Variants in NDUFA10 observed in about 807,000 individuals in gnomAD.
NDUFA10 encodes the protein NADH:ubiquinone oxidoreductase subunit A10.
In NDUFA10, 40 loss-of-function variants were observed where a neutral mutation model predicts 47.8. The observed-to-expected ratio is 0.84, with a 90% CI of 0.65 to 1.09. The LOEUF (loss-of-function observed/expected upper bound fraction) is 1.09. Ranked by LOEUF, NDUFA10 falls within the 50% of genes least tolerant of loss-of-function variation. The pLI is 0.00. For synonymous variants in NDUFA10, 183 were observed against 172.2 expected, an observed-to-expected ratio of 1.06 and a Z score of -0.49; for missense variants, 413 against 451.1, an observed-to-expected ratio of 0.92 and a Z score of 0.76.
At chr2:239,913,384 C>T (rs573408514) in intron 4 of NDUFA10, among the ~76,000 whole-genome samples, 2 of 152,238 alleles carry the variant, frequency 1.3e-5, no homozygotes, top group Non-Finnish European at 2.9e-5. Flanking sequence ...GAGGACATGA[C>T]GGGTCCTACA....
At chr2:239,950,667 C>A (rs987146112) in intron 4 of NDUFA10, among the ~76,000 whole-genome samples, 1 of 152,180 alleles carries the variant, frequency 6.6e-6, no homozygotes, top group South Asian at 2.1e-4. Context: ...AACACTGGTA[C>A]GGATAGGAGC....
At chr2:239,942,704 G>A (rs1291693626) in intron 4 of NDUFA10, among the ~76,000 whole-genome samples, 2 of 151,958 alleles carry the variant, frequency 1.3e-5, no homozygotes, top group Non-Finnish European at 2.9e-5. Context: ...CTCCAGCACT[G>A]AGTCACGGGT....
intron 8 of NDUFA10, among the ~76,000 whole-genome samples, chr2:239,997,923 T>C (rs1696546751): frequency 6.6e-6 from 1 of 152,164 alleles, no homozygotes; most frequent in African/African-American, 2.4e-5. Flanking sequence ...TGCATCTCAA[T>C]CAATGGTAAG....
intron 4 of NDUFA10, among the ~76,000 whole-genome samples, chr2:239,903,839 G>T (rs1451397471): frequency 6.6e-6 from 1 of 152,192 alleles, no homozygotes; most frequent in Non-Finnish European, 1.5e-5. Flanking sequence ...GAATCACTTT[G>T]GGCTGAGAGT....
chr2:239,910,168 A>C (rs1472258412), intron 4 of NDUFA10, among the ~76,000 whole-genome samples: 1 of 152,198 alleles, frequency 6.6e-6, no homozygotes, highest in East Asian at 1.9e-4. Context: ...GATTCCTCAA[A>C]GATCCAGAAG....
intron 9 of NDUFA10, among the ~76,000 whole-genome samples, chr2:239,964,041 G>A (rs760855676): frequency 1.3e-5 from 2 of 152,202 alleles, no homozygotes; most frequent in Non-Finnish European, 2.9e-5. Flanking sequence ...CCTTTCACAC[G>A]CCAGGTAATG....
intron 9 of NDUFA10, among the ~76,000 whole-genome samples, chr2:239,977,017 C>T (rs1236753697): frequency 6.6e-6 from 1 of 152,118 alleles, no homozygotes; most frequent in Non-Finnish European, 1.5e-5. Flanking sequence ...CTGGACCCCT[C>T]CCAGACTCAG....
intron 4 of NDUFA10, among the ~76,000 whole-genome samples, chr2:239,921,022 C>A (rs992562985): frequency 1.3e-4 from 20 of 152,296 alleles, no homozygotes; most frequent in African/African-American, 4.8e-4. Flanking sequence ...CCACAGGGTT[C>A]TGTGGACAGA....
At chr2:239,901,093 G>C (rs1309494955) in intron 4 of NDUFA10, among the ~76,000 whole-genome samples, 1 of 152,238 alleles carries the variant, frequency 6.6e-6, no homozygotes, top group Non-Finnish European at 1.5e-5. Context: ...AGGACAAGCT[G>C]ACTCTCTGGT....
intron 5 of NDUFA10, chr2:240,014,192 A>G (rs1433695525): frequency 6.0e-6 from 1 of 168,032 alleles, no homozygotes; most frequent in Non-Finnish European, 1.3e-5. Context: ...GGGTCACTTC[A>G]AAAGGCGTTG....
intron 5 of NDUFA10, among the ~76,000 whole-genome samples, chr2:239,893,822 G>A (rs933174632): frequency 1.3e-5 from 2 of 152,192 alleles, no homozygotes; most frequent in African/African-American, 4.8e-5. Context: ...AGGTGGTCCT[G>A]AGCTCCACCA....
At chr2:239,907,791 T>A (rs1192400114) in intron 4 of NDUFA10, among the ~76,000 whole-genome samples, 2 of 152,200 alleles carry the variant, frequency 1.3e-5, no homozygotes, top group East Asian at 3.9e-4. Flanking sequence ...ACTTTTACAC[T>A]GTTGGTGGGA....
chr2:240,014,559 C>T (rs1697258551), intron 5 of NDUFA10, 180 bp downstream of exon 5: 5 of 975,636 alleles, frequency 5.1e-6, no homozygotes, highest in South Asian at 1.4e-5. Flanking sequence ...GGCACCAGGC[C>T]GAGCCATGGG....
chr2:239,946,542 C>T (rs1443071128), intron 4 of NDUFA10, among the ~76,000 whole-genome samples: 1 of 152,254 alleles, frequency 6.6e-6, no homozygotes, highest in Non-Finnish European at 1.5e-5. Context: ...AACACCCCCA[C>T]ACCGTTCAGG....
intron 9 of NDUFA10, among the ~76,000 whole-genome samples, chr2:239,966,848 CT>C (rs71045922): frequency 0.024 from 2,740 of 113,824 alleles, 42 homozygotes; most frequent in South Asian, 0.048. Flanking sequence ...GCAAGGATTT[CT>C]TTTTTTTTTT....
At chr2:239,916,891 G>A (rs550568149) in intron 4 of NDUFA10, among the ~76,000 whole-genome samples, 1 of 152,384 alleles carries the variant, frequency 6.6e-6, no homozygotes. Flanking sequence ...AACCCCTGGG[G>A]TCAGACTCAG....
chr2:239,971,646 G>A (rs941421496), intron 9 of NDUFA10, among the ~76,000 whole-genome samples: 16 of 152,214 alleles, frequency 1.1e-4, no homozygotes, highest in African/African-American at 3.9e-4. Flanking sequence ...GAGACAGGGT[G>A]TTCAGAGACT....
In NDUFA10 at chr2:239,971,661, T is replaced by C. The variant is rs574325811; in HGVS notation, c.1000-10475A>G. Among the ~76,000 whole-genome samples, 10 of 152,334 alleles carry C rather than the reference T, an allele frequency of 6.6e-5. No homozygotes were observed. The East Asian group carries it at 1.9e-3, about 29-fold the overall frequency. ...GAGACAGGGTGTTCAGAGACTTGAC[T>C]TGCCTACGGTCACGTGGCTAGCTGG... On this transcript the variant is annotated intron_variant, in intron 9 of 9. Transcript: ENST00000252711.
intron 4 of NDUFA10, among the ~76,000 whole-genome samples, chr2:239,910,685 C>T (rs1312055247): frequency 6.6e-6 from 1 of 152,084 alleles, no homozygotes; most frequent in East Asian, 1.9e-4. Flanking sequence ...GCAACAAACC[C>T]ACACGCCCCG....
Sources: gnomAD v4.1 joint callset for allele counts (sites outside exome capture counted in the v4.1 genomes callset) on GRCh38, gnomAD v4.1.1 for gene constraint, MANE v1.5 for transcripts, NCBI Gene and HGNC (gene_info 2026-07-23, HGNC 2026-07-21) for gene names.